UNC5D: variants seen among roughly 807,000 people sequenced by gnomAD.
UNC5D encodes unc-5 netrin receptor D.
Under a neutral mutation model 105.4 loss-of-function variants are expected in UNC5D, and 39 were observed. The observed-to-expected ratio is 0.37, with a 90% confidence interval of 0.29 to 0.48. UNC5D has a LOEUF of 0.48. Among genes scored for constraint, UNC5D ranks in the 20% least tolerant of loss-of-function variants. UNC5D has a pLI of 0.98. For missense variants in UNC5D, 991 were observed against 1,202.4 expected, an observed-to-expected ratio of 0.82 and a Z score of 2.60; for synonymous variants, 452 against 450.4, an observed-to-expected ratio of 1.00 and a Z score of -0.04.
chr8:35,522,586 A>C (rs1312591580), intron 1 of UNC5D, among the ~76,000 whole-genome samples: 1 of 152,210 alleles, frequency 6.6e-6, no homozygotes, highest in Non-Finnish European at 1.5e-5. Context: ...AGATTTTTTC[A>C]CTGGAATCTC....
chr8:35,731,034 C>G lies in UNC5D; in HGVS notation c.1704C>G (p.His568Gln). 6.2e-7 allele frequency: 1 copy of G among 1,613,802 alleles called. No individual in the cohort carries two copies. Among genetic ancestry groups the G allele is most frequent in the Non-Finnish European group, 8.5e-7 (1 of 1,179,838 alleles). Residue 568 changes from histidine to glutamine, a missense_variant, in exon 11 of 17, where the codon CAC (histidine) becomes CAG (glutamine). This residue lies in a region of UNC5D where 944 missense variants were observed against 1,131.6 expected (regional missense o/e 0.83). Transcript: ENST00000404895. ...TAGGGGTGAGCTTACTCATACCACA[C>G]GGTGCCATCCCAGAGGAGAATTCTT... ...PNTGVSLLIP[H>Q]GAIPEENSWE...
Position 35,595,600 on chromosome 8 carries a change from C to T in UNC5D, c.513C>T (p.Pro171=), listed in dbSNP as rs1205283580. 1 of 1,613,896 alleles carries T rather than the reference C, an allele frequency of 6.2e-7. No individual in the cohort carries two copies. The highest frequency in any genetic ancestry group is 1.3e-5 in the African/African-American group (1 of 74,864). Residue 171 remains proline (P), a synonymous_variant, in exon 4 of 17, where the codon CCC becomes CCT. Coordinates refer to ENST00000404895, the MANE Select transcript of UNC5D (RefSeq NM_080872.4). The part of the protein sequence containing the change: ...FEQDPQGREV[P]IEGMIVLHCR... ...AAGACCCACAAGGAAGGGAAGTTCC[C>T]ATTGAAGGCATGATTGTACTGCACT...
chr8:35,782,901 A>G (rs1033685139), intron 16 of UNC5D, among the ~76,000 whole-genome samples: 4 of 152,180 alleles, frequency 2.6e-5, no homozygotes, highest in African/African-American at 9.6e-5. Context: ...TAAGAGGCCA[A>G]GATGGGACAA....
chr8:35,511,144 T>C (rs1452230111), intron 1 of UNC5D, among the ~76,000 whole-genome samples: 1 of 152,196 alleles, frequency 6.6e-6, no homozygotes, highest in East Asian at 1.9e-4. Flanking sequence ...GCAGTTCTTC[T>C]TTCACTGATT....
intron 3 of UNC5D, among the ~76,000 whole-genome samples, chr8:35,575,879 TA>T (rs932702262): frequency 3.7e-4 from 54 of 146,448 alleles, no homozygotes; most frequent in African/African-American, 6.0e-4. Flanking sequence ...TCTAGCCCGG[TA>T]AAAAAAAAAA....
At chr8:35,505,592 G>A (rs989865764) in intron 1 of UNC5D, among the ~76,000 whole-genome samples, 7 of 152,168 alleles carry the variant, frequency 4.6e-5, no homozygotes, top group African/African-American at 1.7e-4. Flanking sequence ...CAAAGATGTG[G>A]ATACTAGGAG....
In UNC5D at chr8:35,748,639, A is replaced by T. The variant is rs1014758214; in HGVS notation, c.1879A>T (p.Ser627Cys). Residue 627 changes from serine to cysteine, a missense_variant, in exon 12 of 17, where the codon AGT becomes TGT. Physicochemically the swap from Ser to Cys is moderately radical, Grantham distance 112. Transcript: ENST00000404895. ...GACCATCCCGCACTGTGCAGATGTC[A>T]GTTCTGAGCATTGGAATATCCATTT... The part of the protein sequence containing the change: ...ALTIPHCADV[S>C]SEHWNIHLKK... 1.9e-6 allele frequency: 3 copies of T among 1,613,906 alleles called. No individual in the cohort carries two copies. In the African/African-American group the frequency reaches 4.0e-5, roughly 22 times the overall value.
At chr8:35,454,214 T>C (rs548092253) in intron 1 of UNC5D, among the ~76,000 whole-genome samples, 2 of 152,156 alleles carry the variant, frequency 1.3e-5, no homozygotes, top group East Asian at 3.9e-4. Flanking sequence ...CAAACCTCTT[T>C]AGCTGGGGGA....
intron 3 of UNC5D, among the ~76,000 whole-genome samples, chr8:35,591,610 C>T (rs1819180591): frequency 6.6e-6 from 1 of 151,750 alleles, no homozygotes; most frequent in Non-Finnish European, 1.5e-5. Context: ...TAATGTATTC[C>T]TCTTTCTCCA....
intron 1 of UNC5D, among the ~76,000 whole-genome samples, chr8:35,477,647 G>A (rs976329740): frequency 2.6e-5 from 4 of 151,990 alleles, no homozygotes; most frequent in African/African-American, 9.7e-5. Context: ...AAAAAAAAAT[G>A]TTTACAAAAA....
chr8:35,731,819 G>C (rs1428865734), intron 11 of UNC5D, among the ~76,000 whole-genome samples: 1 of 152,148 alleles, frequency 6.6e-6, no homozygotes, highest in African/African-American at 2.4e-5. Flanking sequence ...TACTGCCCGA[G>C]AGACAATTTC....
At chr8:35,643,728 A>G (rs1007026534) in intron 4 of UNC5D, among the ~76,000 whole-genome samples, 5 of 152,124 alleles carry the variant, frequency 3.3e-5, no homozygotes, top group African/African-American at 1.2e-4. Context: ...CTTCAGAGTC[A>G]CTTAGTGGCT....
intron 1 of UNC5D, among the ~76,000 whole-genome samples, chr8:35,283,759 G>T (rs1421347255): frequency 6.6e-6 from 1 of 151,328 alleles, no homozygotes; most frequent in East Asian, 2.0e-4. Flanking sequence ...AGCTGAGATT[G>T]CGCCACTACA....
chr8:35,243,467 A>G (rs1354605891), intron 1 of UNC5D, among the ~76,000 whole-genome samples: 1 of 152,154 alleles, frequency 6.6e-6, no homozygotes, highest in Admixed American at 6.6e-5. Context: ...ATAAAGAGGA[A>G]ATTGACTCAC....
intron 1 of UNC5D, among the ~76,000 whole-genome samples, chr8:35,404,112 C>T (rs1804651648): frequency 6.6e-6 from 1 of 152,202 alleles, no homozygotes; most frequent in Non-Finnish European, 1.5e-5. Context: ...CATGAAGTTG[C>T]TAGAGCCTCT....
At chr8:35,248,937 A>G (rs1563248506) in intron 1 of UNC5D, among the ~76,000 whole-genome samples, 2 of 94,826 alleles carry the variant, frequency 2.1e-5, no homozygotes, top group African/African-American at 4.5e-5. Context: ...ATAAATATAT[A>G]ATATATTATA....
At chr8:35,690,067 A>C (rs1826282051) in intron 7 of UNC5D, among the ~76,000 whole-genome samples, 1 of 152,150 alleles carries the variant, frequency 6.6e-6, no homozygotes, top group African/African-American at 2.4e-5. Flanking sequence ...TTTCTATTCA[A>C]TCTATTAATT....
chr8:35,419,321 G>T (rs931170366), intron 1 of UNC5D, among the ~76,000 whole-genome samples: 2 of 152,142 alleles, frequency 1.3e-5, no homozygotes, highest in Admixed American at 6.5e-5. Context: ...CAGGCTCACC[G>T]TTGGGCTAGT....
chr8:35,664,851 A>G (rs1722668599), intron 4 of UNC5D, among the ~76,000 whole-genome samples: 1 of 151,762 alleles, frequency 6.6e-6, no homozygotes, highest in South Asian at 2.1e-4. Flanking sequence ...TTTTATTTTT[A>G]TTTATTTATT....
Sources: allele counts gnomAD v4.1 joint callset (sites outside exome capture counted in the v4.1 genomes callset), GRCh38; gene constraint gnomAD v4.1.1; regional missense constraint gnomAD v4.1.1; transcripts MANE v1.5; gene names NCBI Gene and HGNC (gene_info 2026-07-23, HGNC 2026-07-21).